CADM1: variants seen among roughly 807,000 people sequenced by gnomAD.
The protein encoded by CADM1 is cell adhesion molecule 1, also known as TSLC-1.
Under a neutral mutation model 53.1 loss-of-function variants are expected in CADM1, and 15 were observed. That is an observed-to-expected ratio of 0.28 (90% confidence interval 0.19 to 0.44). The LOEUF is 0.44. Among genes scored for constraint, CADM1 ranks in the 20% least tolerant of loss-of-function variants. The pLI, the probability that CADM1 is intolerant of heterozygous loss-of-function variation, is 1.00. For synonymous variants in CADM1, 281 were observed against 243.0 expected (o/e 1.16, Z -1.45); for missense variants, 434 against 611.3 (o/e 0.71, Z 3.06).
intron 5 of CADM1, among the ~76,000 whole-genome samples, chr11:115,227,774 G>T (rs61907160): frequency 6.6e-6 from 1 of 152,194 alleles, no homozygotes; most frequent in Non-Finnish European, 1.5e-5. Flanking sequence ...TTAAGAAAAG[G>T]TTGGAATGGG....
Position 115,328,733 on chromosome 11 carries a change from C to CATAT in CADM1, c.125-88317_125-88314dup, listed in dbSNP as rs1222652729. 6.6e-3 allele frequency among the ~76,000 whole-genome samples: 730 copies of CATAT among 111,038 alleles called. 81 individuals are homozygous for CATAT. The highest frequency in any genetic ancestry group is 0.024 in the African/African-American group (685 of 28,298). 72.8% of individuals were successfully genotyped at this position (111,038 alleles called of 152,430 possible). On this transcript the variant is annotated intron_variant, in intron 1 of 11. Transcript: ENST00000331581. The stretch of plus-strand genomic sequence containing the variant: ...ATATATGTGTATATATATGTATATA[C>CATAT]ATATATATATATATAGAATCCAATC...
chr11:115,255,300 C>G (rs185428395), intron 1 of CADM1, among the ~76,000 whole-genome samples: 1 of 152,130 alleles, frequency 6.6e-6, no homozygotes, highest in Admixed American at 6.5e-5. Context: ...GAGGGTTTTC[C>G]GTAGCACCCA....
chr11:115,189,793 A>G (rs1939757009), intron 10 of CADM1, among the ~76,000 whole-genome samples: 1 of 152,250 alleles, frequency 6.6e-6, no homozygotes, highest in Non-Finnish European at 1.5e-5. Context: ...CAAAACCAGC[A>G]TGGCCTCCTG....
chr11:115,366,819 A>T (rs1946174952), intron 1 of CADM1, among the ~76,000 whole-genome samples: 1 of 152,234 alleles, frequency 6.6e-6, no homozygotes, highest in Non-Finnish European at 1.5e-5. Flanking sequence ...CCAAAAAAAA[A>T]GAAACAAAAA....
At chr11:115,264,618 A>G (rs1293197231) in intron 1 of CADM1, among the ~76,000 whole-genome samples, 1 of 152,236 alleles carries the variant, frequency 6.6e-6, no homozygotes, top group Non-Finnish European at 1.5e-5. Context: ...TGGTGGTGGA[A>G]CCAGATGGAG....
At chr11:115,494,015 C>T (rs569810986) in intron 1 of CADM1, among the ~76,000 whole-genome samples, 9 of 152,172 alleles carry the variant, frequency 5.9e-5, no homozygotes, top group African/African-American at 1.7e-4. Flanking sequence ...AATGGTATTG[C>T]GTGTGCCCAG....
At chr11:115,228,809 A>T (rs1454494921) in intron 5 of CADM1, among the ~76,000 whole-genome samples, 1 of 152,228 alleles carries the variant, frequency 6.6e-6, no homozygotes, top group Non-Finnish European at 1.5e-5. Context: ...AAATTACCCT[A>T]GATTTTGCAG....
At chr11:115,230,294 A>AG (rs1941770294) in intron 4 of CADM1, among the ~76,000 whole-genome samples, 1 of 152,220 alleles carries the variant, frequency 6.6e-6, no homozygotes, top group East Asian at 1.9e-4. Context: ...TTATTTAACA[A>AG]GCACATATAC....
At chr11:115,322,991 G>A (rs1944863516) in intron 1 of CADM1, among the ~76,000 whole-genome samples, 1 of 152,046 alleles carries the variant, frequency 6.6e-6, no homozygotes, top group Admixed American at 6.6e-5. Flanking sequence ...CTCTATGCTT[G>A]ACACTTTGAG....
intron 1 of CADM1, among the ~76,000 whole-genome samples, chr11:115,486,338 A>G (rs906445840): frequency 1.3e-5 from 2 of 151,936 alleles, no homozygotes; most frequent in Non-Finnish European, 2.9e-5. Context: ...TGACCTCTTG[A>G]ATTTATTTAT....
At chr11:115,358,389 T>G (rs955891775) in intron 1 of CADM1, among the ~76,000 whole-genome samples, 7 of 152,146 alleles carry the variant, frequency 4.6e-5, no homozygotes, top group Non-Finnish European at 2.9e-5. Context: ...GTGAAAGGCA[T>G]GTTTTACATG....
At chr11:115,480,255 AAG>A (rs1265162179) in intron 1 of CADM1, among the ~76,000 whole-genome samples, 1 of 152,206 alleles carries the variant, frequency 6.6e-6, no homozygotes, top group African/African-American at 2.4e-5. Context: ...CTGGAAGAGA[AAG>A]AAAATGGTGT....
chr11:115,315,012 G>C (rs1323461509), intron 1 of CADM1, among the ~76,000 whole-genome samples: 3 of 152,160 alleles, frequency 2.0e-5, no homozygotes, highest in Non-Finnish European at 4.4e-5. Context: ...ATTTGGAGTT[G>C]ACACGTTAAA....
chr11:115,368,993 G>A (rs1946241651), intron 1 of CADM1, among the ~76,000 whole-genome samples: 1 of 121,682 alleles, frequency 8.2e-6, no homozygotes, highest in South Asian at 2.8e-4. Context: ...AGTCCTTATA[G>A]CTCCCCAGTG....
chr11:115,484,014 C>T (rs539911115), intron 1 of CADM1, among the ~76,000 whole-genome samples: 1 of 152,240 alleles, frequency 6.6e-6, no homozygotes, highest in African/African-American at 2.4e-5. Flanking sequence ...TTTGGTCATC[C>T]TACCCATAGG....
chr11:115,192,191 T>C (rs763450613), intron 9 of CADM1, among the ~76,000 whole-genome samples: 11 of 152,232 alleles, frequency 7.2e-5, no homozygotes, highest in African/African-American at 2.2e-4. Flanking sequence ...AGTTGCTTTA[T>C]AGAGAAACCA....
chr11:115,389,478 T>G (rs1946780119), intron 1 of CADM1, among the ~76,000 whole-genome samples: 1 of 152,288 alleles, frequency 6.6e-6, no homozygotes, highest in South Asian at 2.1e-4. Context: ...AACTTGAAAA[T>G]ACCACATGTA....
At chr11:115,257,970 A>G (rs1288225940) in intron 1 of CADM1, among the ~76,000 whole-genome samples, 1 of 152,316 alleles carries the variant, frequency 6.6e-6, no homozygotes, top group East Asian at 1.9e-4. Flanking sequence ...TCCAGGGTCT[A>G]TGCTCTGAGA....
intron 1 of CADM1, among the ~76,000 whole-genome samples, chr11:115,430,041 CAA>C (rs35153632): frequency 1.1e-4 from 17 of 149,940 alleles, no homozygotes; most frequent in South Asian, 4.2e-4. Flanking sequence ...AATTAAATGT[CAA>C]AAAAAAAATC....
Sources: gnomAD v4.1 joint callset for allele counts (sites outside exome capture counted in the v4.1 genomes callset) on GRCh38, gnomAD v4.1.1 for gene constraint, MANE v1.5 for transcripts, NCBI Gene and HGNC (gene_info 2026-07-23, HGNC 2026-07-21) for gene names.